VPS37A: variants seen among roughly 807,000 people sequenced by gnomAD.
VPS37A encodes the protein vacuolar protein sorting-associated protein 37A.
A neutral mutation model predicts 49.8 loss-of-function variants in VPS37A; 30 were observed. That is an observed-to-expected ratio of 0.60 (90% confidence interval 0.45 to 0.82). VPS37A has a LOEUF of 0.82. Ranked by LOEUF, VPS37A falls within the 40% of genes least tolerant of loss-of-function variation. The pLI, the probability that VPS37A is intolerant of heterozygous loss-of-function variation, is 0.00. For synonymous variants in VPS37A, 195 were observed against 160.6 expected, an observed-to-expected ratio of 1.21 and a Z score of -1.62; for missense variants, 593 against 464.4, an observed-to-expected ratio of 1.28 and a Z score of -2.55.
intron 1 of VPS37A, among the ~76,000 whole-genome samples, chr8:17,256,941 A>T (rs755666503): frequency 4.7e-4 from 72 of 152,184 alleles, no homozygotes; most frequent in Non-Finnish European, 8.4e-4. Context: ...ATGTAATCCC[A>T]TTTATCTGTT....
At position 17,274,676 on chromosome 8, in the gene VPS37A, A is replaced by G. The variant is rs938102595; in HGVS notation, c.417-57A>G. 22 of 1,417,456 alleles carry G rather than the reference A, an allele frequency of 1.6e-5. No individual in the cohort carries two copies. The African/African-American group carries it at 2.1e-4, about 14-fold the overall frequency. The allele number at this position is 1,417,456 out of a possible 1,614,324, so 87.8% of individuals were successfully genotyped here. The stretch of plus-strand genomic sequence containing the variant: ...TGTTATTTAGAACAATTTAGAAACA[A>G]TTTGACATGTTTTATCCATAAAATC... On this transcript the variant is annotated intron_variant, in intron 4 of 11. Coordinates refer to ENST00000324849, the MANE Select transcript of VPS37A (RefSeq NM_152415.3).
the VPS37A span, among the ~76,000 whole-genome samples, chr8:17,324,185 T>A: frequency 6.6e-6 from 1 of 152,198 alleles, no homozygotes; most frequent in Non-Finnish European, 1.5e-5. Context: ...ATTGGTTACT[T>A]CTTTCAGAAT....
chr8:17,310,049 G>A, the VPS37A span, among the ~76,000 whole-genome samples: 1 of 152,066 alleles, frequency 6.6e-6, no homozygotes, highest in Non-Finnish European at 1.5e-5. Context: ...CACGTAGGCT[G>A]GAGTGCAGTG....
rs867629980 is a variant in VPS37A at position 17,247,290 on chromosome 8, G to A, written c.46G>A (p.Ala16Thr). The A allele has an allele frequency of 1.3e-6, 2 of 1,566,024 alleles. No individual in the cohort carries two copies. The highest frequency in any genetic ancestry group is 2.7e-5 in the African/African-American group (2 of 73,626). Residue 16 changes from alanine to threonine, a missense_variant, in exon 1 of 12, where the codon GCT (alanine) becomes ACT (threonine). Physicochemically the swap from Ala to Thr is moderately conservative, Grantham distance 58 (BLOSUM62 0). Transcript: ENST00000324849. ...GACCAAGAGCGCCTCCTCCTCCGCG[G>A]CTGGGTCCCCCGGTGGCCTCACCAG... ...PLTKSASSSA[A>T]GSPGGLTSLQ...
rs866567298 is a variant in VPS37A at position 17,265,287 on chromosome 8, C to G, written c.126-620C>G. Among the ~76,000 whole-genome samples the G allele has an allele frequency of 1.2e-4, 19 of 152,284 alleles. No homozygotes were observed. The Middle Eastern group carries it at 0.01, about 82-fold the overall frequency. ...TTGTTCCCTTTAAGATATTTTCCTA[C>G]AATTTCTCCCTACAACTTTCCTGTA... is the stretch of plus-strand genomic sequence containing the variant. On this transcript the variant is annotated intron_variant, in intron 1 of 11. Transcript: ENST00000324849.
downstream of VPS37A, among the ~76,000 whole-genome samples, chr8:17,306,939 G>A (rs1178668249): frequency 6.6e-6 from 1 of 152,012 alleles, no homozygotes; most frequent in Non-Finnish European, 1.5e-5. Flanking sequence ...AAAAACCCTA[G>A]AAGAAAACCT....
the VPS37A span, among the ~76,000 whole-genome samples, chr8:17,310,703 C>T: frequency 6.6e-6 from 1 of 152,202 alleles, no homozygotes; most frequent in Non-Finnish European, 1.5e-5. Flanking sequence ...GAGCCTGCCT[C>T]TTCGCTCTTG....
chr8:17,247,914 C>G (rs1026570161), intron 1 of VPS37A: 1 of 619,330 alleles, frequency 1.6e-6, no homozygotes, highest in Admixed American at 2.6e-5. Context: ...TTGGAGCAGT[C>G]TCTCCCCATC....
chr8:17,321,030 G>T, the VPS37A span, among the ~76,000 whole-genome samples: 6 of 151,992 alleles, frequency 3.9e-5, no homozygotes, highest in Non-Finnish European at 8.8e-5. Context: ...AAACTTTCCA[G>T]TTGTTATTAT....
In VPS37A at chr8:17,296,815, A is replaced by G. The variant is rs951560113; in HGVS notation, c.*1829A>G. ...TGAGTAGTTCATCTCAGTGTTTTTT[A>G]TTCTTTAAAGTTGAACTATCCCAGT... On this transcript the variant is annotated 3_prime_UTR_variant, in exon 12 of 12. Coordinates refer to ENST00000324849, the MANE Select transcript of VPS37A (RefSeq NM_152415.3). 1 of 152,160 alleles carries G rather than the reference A, an allele frequency of 6.6e-6. No individual in the cohort carries two copies. Among genetic ancestry groups the G allele is most frequent in the African/African-American group, 2.4e-5 (1 of 41,452 alleles). The allele number at this position is 152,160 out of a possible 1,614,324, so 9.4% of individuals were successfully genotyped here. A position where few individuals can be genotyped will look rare whatever the true frequency, so the allele number is the denominator to read the frequency against.
chr8:17,292,341 TA>T (rs1364895307), intron 11 of VPS37A, among the ~76,000 whole-genome samples: 2 of 152,222 alleles, frequency 1.3e-5, no homozygotes, highest in Non-Finnish European at 2.9e-5. Flanking sequence ...TCCATCCCTT[TA>T]TTTTAAGCCT....
chr8:17,307,039 G>T (rs1385820162), downstream of VPS37A, among the ~76,000 whole-genome samples: 2 of 152,154 alleles, frequency 1.3e-5, no homozygotes, highest in Non-Finnish European at 2.9e-5. Flanking sequence ...ATTGACAGAT[G>T]GGATCTAATT....
chr8:17,332,552 C>A, the VPS37A span, among the ~76,000 whole-genome samples: 1 of 152,236 alleles, frequency 6.6e-6, no homozygotes, highest in African/African-American at 2.4e-5. Flanking sequence ...TCATGATGAG[C>A]CCATTGGAAG....
At chr8:17,267,275 T>G (rs1235916352) in intron 2 of VPS37A, among the ~76,000 whole-genome samples, 1 of 152,144 alleles carries the variant, frequency 6.6e-6, no homozygotes, top group Non-Finnish European at 1.5e-5. Flanking sequence ...AAGGACCCAG[T>G]TTTCTTTTCA....
downstream of VPS37A, chr8:17,304,399 T>A (rs911046474): frequency 1.4e-5 from 22 of 1,613,462 alleles, no homozygotes; most frequent in South Asian, 2.2e-5. Context: ...AGTTACATGG[T>A]GTTGTAGGGA....
chr8:17,312,018 C>CA, the VPS37A span, among the ~76,000 whole-genome samples: 26,670 of 151,712 alleles, frequency 0.18, 2,422 homozygotes, highest in African/African-American at 0.21. Flanking sequence ...AAGGAAAAGG[C>CA]AAAAAAGTTA....
chr8:17,311,923 T>G, the VPS37A span: 1 of 286,678 alleles, frequency 3.5e-6, no homozygotes, highest in African/African-American at 2.2e-5. Flanking sequence ...CAAACGGACC[T>G]TCAACCCTCT....
At chr8:17,258,642 G>C (rs191873787) in intron 1 of VPS37A, among the ~76,000 whole-genome samples, 5 of 152,030 alleles carry the variant, frequency 3.3e-5, no homozygotes, top group Admixed American at 3.3e-4. Context: ...CTTGTAGAAT[G>C]AGTTTGGAAG....
chr8:17,293,659 G>C (rs1165089741), intron 11 of VPS37A, among the ~76,000 whole-genome samples: 1 of 152,142 alleles, frequency 6.6e-6, no homozygotes, highest in Admixed American at 6.5e-5. Flanking sequence ...CGTCATTTTT[G>C]TTGATGTTGA....
Sources: gnomAD v4.1 joint callset for allele counts (sites outside exome capture counted in the v4.1 genomes callset) on GRCh38, gnomAD v4.1.1 for gene constraint, MANE v1.5 for transcripts, NCBI Gene and HGNC (gene_info 2026-07-23, HGNC 2026-07-21) for gene names.